Variants in EHD4 observed in about 807,000 individuals in gnomAD.
EHD4 encodes the protein EH domain containing 4.
Under a neutral mutation model 51.0 loss-of-function variants are expected in EHD4, and 37 were observed. That is an observed-to-expected ratio of 0.73 (90% CI 0.56 to 0.95). EHD4 has a LOEUF of 0.95. Among genes scored for constraint, EHD4 ranks in the 40% least tolerant of loss-of-function variants. EHD4 has a pLI of 0.00. For missense variants in EHD4, 632 were observed against 733.1 expected (o/e 0.86, Z 1.59); for synonymous variants, 297 against 317.3 (o/e 0.94, Z 0.68).
chr15:41,940,919 C>T (rs933618587), intron 3 of EHD4, among the ~76,000 whole-genome samples: 12 of 152,114 alleles, frequency 7.9e-5, no homozygotes, highest in African/African-American at 1.9e-4. Flanking sequence ...AGCCAAAATC[C>T]GGAGGCCTTA....
chr15:41,929,588 G>A (rs1463153101), intron 3 of EHD4, among the ~76,000 whole-genome samples: 1 of 152,214 alleles, frequency 6.6e-6, no homozygotes, highest in Non-Finnish European at 1.5e-5. Context: ...GAGAAAGACA[G>A]CAACATGGTA....
In EHD4 at chr15:41,929,956, A is replaced by G. The variant is rs560119069; in HGVS notation, c.512-10334T>C. On this transcript the variant is annotated intron_variant, in intron 3 of 5. Coordinates refer to ENST00000220325, the MANE Select transcript of EHD4 (RefSeq NM_139265.4). Reference sequence around the variant, plus strand: ...ACAGGAATACTGAATGAACAACTCTAAATGACACAATTATCAAACAGTAAG... The same window carrying G: ...ACAGGAATACTGAATGAACAACTCTGAATGACACAATTATCAAACAGTAAG... 2.6e-4 allele frequency among the ~76,000 whole-genome samples: 39 copies of G among 152,336 alleles called. 2 individuals are homozygous for G. The South Asian group carries it at 7.7e-3, about 30-fold the overall frequency.
At chr15:41,967,920 G>A (rs549570891) in intron 1 of EHD4, among the ~76,000 whole-genome samples, 36 of 152,280 alleles carry the variant, frequency 2.4e-4, no homozygotes, top group African/African-American at 7.0e-4. Context: ...CCTGAACCTC[G>A]CCTGTGGCAG....
chr15:41,923,693 T>C (rs186048783), intron 3 of EHD4, among the ~76,000 whole-genome samples: 1 of 152,340 alleles, frequency 6.6e-6, no homozygotes, highest in East Asian at 1.9e-4. Context: ...ACAGATAGGT[T>C]TATGTTCCTG....
At position 41,938,378 on chromosome 15, in the gene EHD4, G is replaced by A. The variant is rs78565196; in HGVS notation, c.511+4689C>T. On this transcript the variant is annotated intron_variant, in intron 3 of 5. Coordinates refer to ENST00000220325, the MANE Select transcript of EHD4 (RefSeq NM_139265.4). ...TATAGACGTTAAAATGGTAATCAGT[G>A]ATTCTGAAGTTTCTGTTATTGCCCG... Among the ~76,000 whole-genome samples, 1,143 of 152,272 alleles carry A rather than the reference G, an allele frequency of 7.5e-3. 19 individuals carry two copies. Among genetic ancestry groups the A allele is most frequent in the African/African-American group, 0.026 (1,085 of 41,548 alleles).
rs370515349 is a variant in EHD4 at position 41,901,191 on chromosome 15, G to T, written c.1090-10C>A. 3.4e-5 allele frequency: 52 copies of T among 1,535,114 alleles called. No homozygotes were observed. In the African/African-American group the frequency reaches 6.9e-4, roughly 20 times the overall value. ...AGTTCTCAAGCTGTTCCTGCAGAAG[G>T]ACAAACCACAGGATGGGTTACATGT... On this transcript the variant is annotated splice_polypyrimidine_tract_variant and intron_variant, in intron 5 of 5. Transcript: ENST00000220325.
intron 4 of EHD4, among the ~76,000 whole-genome samples, chr15:41,916,711 T>A (rs894180861): frequency 2.6e-5 from 4 of 152,132 alleles, no homozygotes; most frequent in Non-Finnish European, 5.9e-5. Flanking sequence ...CCGTGCTGAG[T>A]CCGGCTTCTC....
At chr15:41,926,527 G>A (rs936387982) in intron 3 of EHD4, among the ~76,000 whole-genome samples, 1 of 152,164 alleles carries the variant, frequency 6.6e-6, no homozygotes, top group Admixed American at 6.5e-5. Context: ...CCCGTGCAGT[G>A]AGCATCCAGC....
intron 1 of EHD4, among the ~76,000 whole-genome samples, chr15:41,967,584 A>G (rs572141548): frequency 6.6e-6 from 1 of 152,348 alleles, no homozygotes; most frequent in Non-Finnish European, 1.5e-5. Context: ...CAGTATCTGG[A>G]TGAGTGTGAG....
intron 1 of EHD4, among the ~76,000 whole-genome samples, chr15:41,968,239 C>G (rs935456248): frequency 4.6e-5 from 7 of 152,148 alleles, no homozygotes; most frequent in Non-Finnish European, 1.0e-4. Context: ...ACCCCTGCCC[C>G]TTTTTTCCCC....
At position 41,953,914 on chromosome 15, in the gene EHD4, C is replaced by A; in HGVS notation, c.263G>T (p.Gly88Val). The A allele has an allele frequency of 6.2e-7, 1 of 1,612,570 alleles. No individual in the cohort carries two copies. Among genetic ancestry groups the A allele is most frequent in the Non-Finnish European group, 8.5e-7 (1 of 1,179,642 alleles). Reference sequence around the variant, plus strand: ...GGTGGGCTCCGGACCAATCCTCATGCCTGGGAAATCCTGCTCCAGTAGGTA... The same window carrying A: ...GGTGGGCTCCGGACCAATCCTCATGACTGGGAAATCCTGCTCCAGTAGGTA... ...IRYLLEQDFPGMRIGPEPTTD... is the reference protein window; with the variant it reads ...IRYLLEQDFPVMRIGPEPTTD... The change falls in exon 2 of 6, where the codon GGC (glycine) becomes GTC (valine). Residue 88 changes from glycine (G) to valine (V), a missense_variant. Gly to Val is a moderately radical substitution (Grantham distance 109). Coordinates refer to ENST00000220325, the MANE Select transcript of EHD4 (RefSeq NM_139265.4).
intron 3 of EHD4, chr15:41,942,847 CAT>C: frequency 2.7e-6 from 1 of 364,980 alleles, no homozygotes. Flanking sequence ...TTCATTTACT[CAT>C]GTGTAACTTG....
At chr15:41,941,769 T>C (rs2067773143) in intron 3 of EHD4, 1 of 152,086 alleles carries the variant, frequency 6.6e-6, no homozygotes, top group South Asian at 2.1e-4. Flanking sequence ...GAGATGGCAT[T>C]CCCAAAATGC....
At position 41,940,121 on chromosome 15, in the gene EHD4, T is replaced by G. The variant is rs569085221; in HGVS notation, c.511+2946A>C. 3.8e-4 allele frequency among the ~76,000 whole-genome samples: 58 copies of G among 152,284 alleles called. No individual in the cohort carries two copies. The South Asian group carries it at 1.0e-2, about 26-fold the overall frequency. On this transcript the variant is annotated intron_variant, in intron 3 of 5. Coordinates refer to ENST00000220325, the MANE Select transcript of EHD4 (RefSeq NM_139265.4). Reference sequence around the variant, plus strand: ...GGCGTGAGCCACCGCGCCCAGCCACTCAGCTTTTGAGGGTTAATCATCAAC... The same window carrying G: ...GGCGTGAGCCACCGCGCCCAGCCACGCAGCTTTTGAGGGTTAATCATCAAC...
At chr15:41,970,685 C>T (rs144762190) in intron 1 of EHD4, among the ~76,000 whole-genome samples, 2 of 152,316 alleles carry the variant, frequency 1.3e-5, no homozygotes, top group African/African-American at 4.8e-5. Flanking sequence ...CCTGATGACA[C>T]CTGGGCACAA....
At chr15:41,936,269 G>T (rs749069509) in intron 3 of EHD4, among the ~76,000 whole-genome samples, 3 of 152,180 alleles carry the variant, frequency 2.0e-5, no homozygotes, top group Non-Finnish European at 2.9e-5. Flanking sequence ...GGAGGAGGCA[G>T]TATCTTTGAA....
chr15:41,932,522 C>T (rs927744097), intron 3 of EHD4, among the ~76,000 whole-genome samples: 1 of 152,130 alleles, frequency 6.6e-6, no homozygotes, highest in African/African-American at 2.4e-5. Flanking sequence ...CAACAGGAGG[C>T]AATTTTGAGA....
intron 1 of EHD4, among the ~76,000 whole-genome samples, chr15:41,961,421 T>A (rs2067923657): frequency 6.6e-6 from 1 of 152,246 alleles, no homozygotes; most frequent in African/African-American, 2.4e-5. Context: ...AACTTGTAAT[T>A]TAGGAGTATG....
chr15:41,936,503 T>G (rs977675163), intron 3 of EHD4, among the ~76,000 whole-genome samples: 13 of 152,260 alleles, frequency 8.5e-5, no homozygotes, highest in Non-Finnish European at 1.9e-4. Flanking sequence ...TTTCTCTGAT[T>G]AATCTCTGTA....
Sources: gnomAD v4.1 joint callset for allele counts (sites outside exome capture counted in the v4.1 genomes callset) on GRCh38, gnomAD v4.1.1 for gene constraint, MANE v1.5 for transcripts, NCBI Gene and HGNC (gene_info 2026-07-23, HGNC 2026-07-21) for gene names.